PLS1: variants seen among roughly 807,000 people sequenced by gnomAD.
PLS1 encodes the protein plastin 1.
In PLS1, 32 loss-of-function variants were observed where a neutral mutation model predicts 73.7. That is an observed-to-expected ratio of 0.43 (90% CI 0.33 to 0.58). PLS1 has a LOEUF of 0.58. Among genes scored for constraint, PLS1 ranks in the 20% least tolerant of loss-of-function variants. The pLI, the probability that PLS1 is intolerant of heterozygous loss-of-function variation, is 0.04. For missense variants in PLS1, 633 were observed against 740.5 expected (o/e 0.85, Z 1.68); for synonymous variants, 217 against 261.3 (o/e 0.83, Z 1.63).
At position 142,704,704 on chromosome 3, in the gene PLS1, A is replaced by G. The variant is rs555796871; in HGVS notation, c.1629+118A>G. ...CGCTCTGTCACCCAGGCTGGTGTGCAGTGGCGCGATCTTGGCTCACTGCAA... is the reference window on the plus strand; with the variant it reads ...CGCTCTGTCACCCAGGCTGGTGTGCGGTGGCGCGATCTTGGCTCACTGCAA... On this transcript the variant is annotated intron_variant, in intron 14 of 15. Transcript: ENST00000457734. 7.9e-4 allele frequency: 374 copies of G among 472,194 alleles called. 4 individuals carry two copies. The highest frequency in any genetic ancestry group is 6.6e-3 in the South Asian group (229 of 34,916). 29.3% of individuals were successfully genotyped at this position (472,194 alleles called of 1,614,324 possible).
intron 1 of PLS1, among the ~76,000 whole-genome samples, chr3:142,610,295 G>A (rs1014901900): frequency 2.0e-5 from 3 of 152,084 alleles, no homozygotes; most frequent in African/African-American, 4.8e-5. Context: ...ACCCATCACC[G>A]TGCAGATAGC....
chr3:142,646,534 C>T (rs2036956659), intron 1 of PLS1, among the ~76,000 whole-genome samples: 1 of 152,272 alleles, frequency 6.6e-6, no homozygotes, highest in African/African-American at 2.4e-5. Flanking sequence ...TAGGTCTTGT[C>T]TTCCTGATAT....
chr3:142,647,503 C>CTTTTTT (rs375387869), intron 1 of PLS1, among the ~76,000 whole-genome samples: 2 of 141,954 alleles, frequency 1.4e-5, no homozygotes, highest in African/African-American at 2.6e-5. Flanking sequence ...TTTTTCTTTT[C>CTTTTTT]TTTTTTTTTT....
rs375053310 is a variant in PLS1 at position 142,674,768 on chromosome 3, G to T, written c.365-1389G>T. Reference sequence around the variant, plus strand: ...TTTGAGACAAGAGTCTTGCTCTGTTGCCCAGGCTGGAGTGCAGTGGCGTGA... The same window carrying T: ...TTTGAGACAAGAGTCTTGCTCTGTTTCCCAGGCTGGAGTGCAGTGGCGTGA... On this transcript the variant is annotated intron_variant, in intron 4 of 15. Transcript: ENST00000457734. Among the ~76,000 whole-genome samples, 3 of 152,136 alleles carry T rather than the reference G, an allele frequency of 2.0e-5. No individual in the cohort carries two copies. In the East Asian group the frequency reaches 5.8e-4, roughly 29 times the overall value.
intron 4 of PLS1, 63 bp downstream of exon 4, chr3:142,671,185 A>G: frequency 7.0e-7 from 1 of 1,423,658 alleles, no homozygotes; most frequent in Non-Finnish European, 9.9e-7. Flanking sequence ...GACATATTTA[A>G]TCAGTTCTAA....
chr3:142,627,937 A>G (rs956428306), intron 1 of PLS1: 1 of 152,038 alleles, frequency 6.6e-6, no homozygotes. Flanking sequence ...GGCCAATCAT[A>G]TTTTAATTTT....
At chr3:142,629,086 C>T in intron 1 of PLS1, among the ~76,000 whole-genome samples, 1 of 152,168 alleles carries the variant, frequency 6.6e-6, no homozygotes, top group Non-Finnish European at 1.5e-5. Context: ...TAATATGTGC[C>T]TACTAGCTGA....
At chr3:142,649,335 CA>C (rs3055060) in intron 1 of PLS1, among the ~76,000 whole-genome samples, 140 of 93,466 alleles carry the variant, frequency 1.5e-3, no homozygotes, top group South Asian at 7.2e-3. Flanking sequence ...GACCCTATGT[CA>C]AAAAAAAAAA....
intron 12 of PLS1, among the ~76,000 whole-genome samples, chr3:142,703,202 A>G (rs1477151383): frequency 6.6e-6 from 1 of 151,856 alleles, no homozygotes; most frequent in African/African-American, 2.4e-5. Context: ...AACATCATCT[A>G]TTACTTCTAT....
intron 1 of PLS1, chr3:142,654,898 C>G (rs1429958277): frequency 6.6e-6 from 1 of 152,130 alleles, no homozygotes; most frequent in Non-Finnish European, 1.5e-5. Context: ...TTCCCATAAA[C>G]TGTTGTTTTA....
Position 142,711,617 on chromosome 3 carries a change from C to T in PLS1, c.1746C>T (p.Asn582=). Residue 582 remains asparagine, a synonymous_variant, in exon 15 of 16, where the codon AAC becomes AAT. Transcript: ENST00000457734. ...ACTTATCTGATGAGGACAAGCTGAA[C>T]AATGCTAAGTAAGCCTTTATGGTTT... ...RENLSDEDKL[N]NAKYAISVAR... 1.2e-6 allele frequency: 2 copies of T among 1,605,844 alleles called. No homozygotes were observed. The highest frequency in any genetic ancestry group is 1.7e-6 in the Non-Finnish European group (2 of 1,173,974).
intron 14 of PLS1, among the ~76,000 whole-genome samples, chr3:142,707,607 G>C (rs1005052048): frequency 6.6e-6 from 1 of 152,238 alleles, no homozygotes; most frequent in African/African-American, 2.4e-5. Flanking sequence ...CTTTGGAGTT[G>C]TATGGCCCTG....
chr3:142,684,897 G>A (rs1004781844), intron 8 of PLS1, among the ~76,000 whole-genome samples: 9 of 152,166 alleles, frequency 5.9e-5, no homozygotes, highest in African/African-American at 1.2e-4. Flanking sequence ...GGAGAATCTT[G>A]TCAAGGAAAC....
chr3:142,598,459 T>C (rs2035850752), intron 1 of PLS1, among the ~76,000 whole-genome samples: 1 of 152,126 alleles, frequency 6.6e-6, no homozygotes, highest in Admixed American at 6.5e-5. Flanking sequence ...TCCTCATATT[T>C]TGATAACAGA....
At chr3:142,599,369 G>A (rs1356669409) in intron 1 of PLS1, among the ~76,000 whole-genome samples, 3 of 131,708 alleles carry the variant, frequency 2.3e-5, no homozygotes, top group African/African-American at 9.0e-5. Context: ...TCGCTCTGTC[G>A]CCCAGGCTGG....
intron 1 of PLS1, among the ~76,000 whole-genome samples, chr3:142,625,793 G>A (rs2036413917): frequency 1.3e-5 from 2 of 151,932 alleles, no homozygotes; most frequent in East Asian, 1.9e-4. Context: ...GGGCAACATG[G>A]CAAAACCCCG....
intron 1 of PLS1, among the ~76,000 whole-genome samples, chr3:142,635,467 G>A (rs942868573): frequency 1.4e-4 from 22 of 151,754 alleles, no homozygotes; most frequent in African/African-American, 5.1e-4. Flanking sequence ...GCTGGGCATG[G>A]TGACGCGAGT....
At chr3:142,667,991 C>T (rs376280688) in intron 2 of PLS1, among the ~76,000 whole-genome samples, 1 of 152,160 alleles carries the variant, frequency 6.6e-6, no homozygotes, top group Non-Finnish European at 1.5e-5. Context: ...AGTATTAATT[C>T]TAAAACTTTC....
chr3:142,708,142 C>T (rs1488648709), intron 14 of PLS1, among the ~76,000 whole-genome samples: 2 of 152,100 alleles, frequency 1.3e-5, no homozygotes, highest in African/African-American at 4.8e-5. Flanking sequence ...GTTGGCATTG[C>T]TAATATATAA....
Sources: allele counts gnomAD v4.1 joint callset (sites outside exome capture counted in the v4.1 genomes callset), GRCh38; gene constraint gnomAD v4.1.1; transcripts MANE v1.5; gene names NCBI Gene and HGNC (gene_info 2026-07-23, HGNC 2026-07-21).